The following MYO1B variants were observed in gnomAD, a reference collection of about 807,000 sequenced individuals.
The protein encoded by MYO1B is unconventional myosin-Ib.
MYO1B carries 72 observed loss-of-function variants against 159.7 expected under a neutral mutation model. The observed-to-expected ratio is 0.45, with a 90% confidence interval of 0.37 to 0.55. MYO1B has a LOEUF of 0.55. MYO1B is among the 20% of genes least tolerant of loss of function. The pLI, the probability that MYO1B is intolerant of heterozygous loss-of-function variation, is 0.00. For missense variants in MYO1B, 1,062 were observed against 1,364.8 expected, an observed-to-expected ratio of 0.78 and a Z score of 3.50; for synonymous variants, 468 against 473.8, an observed-to-expected ratio of 0.99 and a Z score of 0.16.
intron 13 of MYO1B, among the ~76,000 whole-genome samples, chr2:191,374,300 A>G (rs1694559906): frequency 6.6e-6 from 1 of 152,218 alleles, no homozygotes; most frequent in Admixed American, 6.5e-5. Flanking sequence ...ACCCAAGTGA[A>G]AAGAAACTGC....
At chr2:191,410,407 T>A (rs906996942) in intron 26 of MYO1B, among the ~76,000 whole-genome samples, 6 of 152,192 alleles carry the variant, frequency 3.9e-5, no homozygotes, top group African/African-American at 7.2e-5. Flanking sequence ...AACCTGGCCC[T>A]GCTCCTCTGG....
chr2:191,368,283 A>G (rs1694136850), intron 11 of MYO1B, among the ~76,000 whole-genome samples: 1 of 152,228 alleles, frequency 6.6e-6, no homozygotes, highest in Non-Finnish European at 1.5e-5. Flanking sequence ...GTAATACCCC[A>G]ATTTTTACTT....
chr2:191,247,718 A>G (rs142987635), intron 1 of MYO1B, among the ~76,000 whole-genome samples: 34 of 152,350 alleles, frequency 2.2e-4, no homozygotes, highest in African/African-American at 7.9e-4. Flanking sequence ...AATTCCTCTC[A>G]AGTACTCATT....
At chr2:191,325,909 T>A (rs549603169) in intron 3 of MYO1B, among the ~76,000 whole-genome samples, 5 of 152,108 alleles carry the variant, frequency 3.3e-5, no homozygotes, top group Admixed American at 2.6e-4. Context: ...TCTGGAAACA[T>A]ACTTAGTGCT....
At chr2:191,291,157 C>T (rs1225626971) in intron 2 of MYO1B, among the ~76,000 whole-genome samples, 1 of 152,176 alleles carries the variant, frequency 6.6e-6, no homozygotes, top group Non-Finnish European at 1.5e-5. Flanking sequence ...CGTTTGGCTT[C>T]TGAACAGTGG....
intron 13 of MYO1B, chr2:191,371,027 C>T (rs939369211): frequency 1.3e-5 from 2 of 152,152 alleles, no homozygotes; most frequent in African/African-American, 4.8e-5. Context: ...GGAAAATAAA[C>T]ATTATCTACT....
intron 3 of MYO1B, among the ~76,000 whole-genome samples, chr2:191,312,094 CTT>C (rs1431070502): frequency 5.3e-5 from 8 of 152,274 alleles, no homozygotes; most frequent in African/African-American, 1.4e-4. Flanking sequence ...TATTTAGAGA[CTT>C]TAACTTTCTT....
rs553023576 is a variant in MYO1B at position 191,273,360 on chromosome 2, T to C, written c.-9-3527T>C. Among the ~76,000 whole-genome samples, 64 of 152,318 alleles carry C rather than the reference T, an allele frequency of 4.2e-4. No individual in the cohort carries two copies. The South Asian group carries it at 8.9e-3, about 21-fold the overall frequency. On this transcript the variant is annotated intron_variant, in intron 1 of 30. Coordinates refer to ENST00000392318, the MANE Select transcript of MYO1B (RefSeq NM_001130158.3). ...CTGATCTCAAACTCCTGACCTCAAA[T>C]GATCCACTTGCCTCGGCCTCCCAAA...
At chr2:191,345,165 A>G (rs1194191626) in intron 5 of MYO1B, among the ~76,000 whole-genome samples, 2 of 152,158 alleles carry the variant, frequency 1.3e-5, no homozygotes, top group Admixed American at 6.5e-5. Flanking sequence ...GGATCCCAGT[A>G]ACAGACTGGG....
rs1188076283 is a variant in MYO1B, at chr2:191,360,616, A to C, written c.563-15A>C. 2.6e-6 allele frequency: 4 copies of C among 1,539,504 alleles called. No homozygotes were observed. The highest frequency in any genetic ancestry group is 1.4e-5 in the African/African-American group (1 of 73,030). ...TGAAACAAATGCCATACTATGATTTAACTCTTCTCTTTAGATCTTTTAGAG... is the reference window on the plus strand; with the variant it reads ...TGAAACAAATGCCATACTATGATTTCACTCTTCTCTTTAGATCTTTTAGAG... On this transcript the variant is annotated splice_polypyrimidine_tract_variant and intron_variant, in intron 7 of 30. Transcript: ENST00000392318.
At chr2:191,392,588 T>A (rs1054830701) in intron 19 of MYO1B, among the ~76,000 whole-genome samples, 4 of 151,804 alleles carry the variant, frequency 2.6e-5, no homozygotes, top group African/African-American at 7.3e-5. Flanking sequence ...AAAATGAAAA[T>A]TTTTTTTAAG....
intron 13 of MYO1B, among the ~76,000 whole-genome samples, chr2:191,376,350 G>A (rs1694710737): frequency 6.6e-6 from 1 of 152,102 alleles, no homozygotes; most frequent in South Asian, 2.1e-4. Context: ...GTTTCTTGAT[G>A]CTGTGATATT....
At chr2:191,400,719 T>C in intron 22 of MYO1B, 30 bp from the exon 23 acceptor site, 1 of 1,611,468 alleles carries the variant, frequency 6.2e-7, no homozygotes, top group Non-Finnish European at 8.5e-7. Context: ...CCTTAAACTT[T>C]TCTGTAACTC....
intron 1 of MYO1B, among the ~76,000 whole-genome samples, chr2:191,253,513 CT>C (rs1418522589): frequency 2.0e-5 from 3 of 151,916 alleles, no homozygotes; most frequent in Non-Finnish European, 2.9e-5. Context: ...CCTGTCTTCT[CT>C]GTCAGTTTTC....
chr2:191,315,069 A>G (rs1054479683), intron 3 of MYO1B, among the ~76,000 whole-genome samples: 1 of 152,004 alleles, frequency 6.6e-6, no homozygotes, highest in Non-Finnish European at 1.5e-5. Flanking sequence ...TATCTGGGCA[A>G]ATTTTTAGCT....
At chr2:191,304,309 G>T (rs1430054496) in intron 3 of MYO1B, among the ~76,000 whole-genome samples, 1 of 152,182 alleles carries the variant, frequency 6.6e-6, no homozygotes, top group Non-Finnish European at 1.5e-5. Flanking sequence ...GTTGGCTCAC[G>T]CCTGTAATCG....
intron 7 of MYO1B, among the ~76,000 whole-genome samples, chr2:191,352,601 A>G (rs1352054641): frequency 1.3e-5 from 2 of 152,356 alleles, no homozygotes; most frequent in Admixed American, 1.3e-4. Flanking sequence ...AGATTAATAT[A>G]TCTTCATGAA....
At chr2:191,362,167 A>T in intron 8 of MYO1B, 101 bp from the exon 9 acceptor site, 1 of 809,592 alleles carries the variant, frequency 1.2e-6, no homozygotes, top group South Asian at 1.8e-5. Flanking sequence ...TACTTAATAT[A>T]AAAGCCATGT....
At position 191,423,981 on chromosome 2, in the gene MYO1B, T is replaced by C. The variant is rs1182073458; in HGVS notation, c.*21T>C. On this transcript the variant is annotated 3_prime_UTR_variant, in exon 31 of 31. Coordinates refer to ENST00000392318, the MANE Select transcript of MYO1B (RefSeq NM_001130158.3). ...CTTAACTGGCGCCTCCTCTCTACTT[T>C]CATGGACTTGTTCCTTTGTAATAGT... The C allele has an allele frequency of 6.2e-7, 1 of 1,610,680 alleles. No homozygotes were observed. Among genetic ancestry groups the C allele is most frequent in the Non-Finnish European group, 8.5e-7 (1 of 1,178,750 alleles).
Sources: gnomAD v4.1 joint callset for allele counts (sites outside exome capture counted in the v4.1 genomes callset) on GRCh38, gnomAD v4.1.1 for gene constraint, MANE v1.5 for transcripts, NCBI Gene and HGNC (gene_info 2026-07-23, HGNC 2026-07-21) for gene names.